GGNBP2: variants seen among roughly 807,000 people sequenced by gnomAD.
GGNBP2 encodes gametogenetin binding protein 2, also known as gametogenetin-binding protein 2.
GGNBP2 carries 10 observed loss-of-function variants against 85.9 expected under a neutral mutation model. The ratio of observed to expected loss-of-function variants is 0.12; its 90% CI spans 0.07 to 0.20. The LOEUF (loss-of-function observed/expected upper bound fraction) is 0.20, where lower values mean the gene tolerates loss of function less well. GGNBP2 is among the 10% of genes least tolerant of loss of function. The pLI is 1.00. For missense variants in GGNBP2, 595 were observed against 857.8 expected (o/e 0.69, Z 3.83); for synonymous variants, 287 against 285.7 (o/e 1.00, Z -0.05).
At chr17:36,556,551 A>G (rs1398560449) in intron 3 of GGNBP2, among the ~76,000 whole-genome samples, 2 of 152,018 alleles carry the variant, frequency 1.3e-5, no homozygotes, top group Non-Finnish European at 2.9e-5. Flanking sequence ...TAAAAATACT[A>G]AAATTAGCCG....
Position 36,589,417 on chromosome 17 carries a change from T to A in GGNBP2, c.*6T>A. The A allele has an allele frequency of 1.9e-6, 3 of 1,601,116 alleles. No individual in the cohort carries two copies. Among genetic ancestry groups the A allele is most frequent in the Non-Finnish European group, 2.6e-6 (3 of 1,169,280 alleles). ...CAACGGCTGGAGCAAATTAAATAAA[T>A]AAAATAGCTCTGTCTTTCAATGAAA... On this transcript the variant is annotated 3_prime_UTR_variant, in exon 14 of 14. Coordinates refer to ENST00000613102, the MANE Select transcript of GGNBP2 (RefSeq NM_024835.5).
At chr17:36,558,414 CAAAAAA>C (rs755597241) in intron 4 of GGNBP2, among the ~76,000 whole-genome samples, 6 of 18,966 alleles carry the variant, frequency 3.2e-4, no homozygotes, top group South Asian at 4.8e-3. Flanking sequence ...AGCTCCATCT[CAAAAAA>C]AAAAAAAAAA....
intron 9 of GGNBP2, among the ~76,000 whole-genome samples, chr17:36,584,022 C>G (rs1236768090): frequency 1.3e-5 from 2 of 152,166 alleles, no homozygotes; most frequent in Non-Finnish European, 2.9e-5. Context: ...TCAGAAAAGT[C>G]CAAGTATTAG....
At chr17:36,585,741 T>C (rs2074694545) in intron 10 of GGNBP2, 99 bp from the exon 11 acceptor site, 2 of 1,021,956 alleles carry the variant, frequency 2.0e-6, no homozygotes, top group Middle Eastern at 2.2e-4. Context: ...TAATAAGCCA[T>C]TAATTATGAG....
intron 2 of GGNBP2, chr17:36,546,661 C>T (rs1336841119): frequency 6.6e-6 from 1 of 152,190 alleles, no homozygotes; most frequent in Non-Finnish European, 1.5e-5. Flanking sequence ...AGTGCAGTTG[C>T]TTGCCACTTA....
At chr17:36,588,313 G>A (rs1383639228) in intron 13 of GGNBP2, among the ~76,000 whole-genome samples, 1 of 152,036 alleles carries the variant, frequency 6.6e-6, no homozygotes, top group Non-Finnish European at 1.5e-5. Context: ...GCTGGAGTGC[G>A]ATGGTGCGAT....
intron 6 of GGNBP2, chr17:36,574,633 A>G (rs1599535148): frequency 1.7e-6 from 1 of 578,192 alleles, no homozygotes. Flanking sequence ...TGTCCTTGGT[A>G]TAGTTACCCA....
chr17:36,549,567 G>A (rs9906189), intron 2 of GGNBP2, among the ~76,000 whole-genome samples: 85,928 of 152,048 alleles, frequency 0.57, 24,670 homozygotes, highest in African/African-American at 0.64. Flanking sequence ...CCTTAGTCAT[G>A]CTTCTCAGGG....
Position 36,581,394 on chromosome 17 carries a change from G to A in GGNBP2, c.1071G>A (p.Glu357=). The A allele has an allele frequency of 6.2e-7, 1 of 1,613,580 alleles. No homozygotes were observed. The highest frequency in any genetic ancestry group is 8.5e-7 in the Non-Finnish European group (1 of 1,179,714). Residue 357 remains glutamate (E), a synonymous_variant, in exon 9 of 14, where the codon GAG becomes GAA. Transcript: ENST00000613102. The part of the protein sequence containing the change: ...QGISRLEQLC[E]EFSEEERVRE... ...TTAGCAGATTGGAACAACTTTGTGA[G>A]GAATTTTCAGAAGAGGAACGAGTAA... is the stretch of plus-strand genomic sequence containing the variant.
chr17:36,587,406 C>A, intron 13 of GGNBP2, 161 bp downstream of exon 13: 1 of 780,634 alleles, frequency 1.3e-6, no homozygotes, highest in Non-Finnish European at 2.1e-6. Context: ...TCTGTCCTTC[C>A]ACTCGTGGTT....
chr17:36,584,952 CAAAAAAA>C (rs34371498), intron 9 of GGNBP2, among the ~76,000 whole-genome samples: 1 of 122,128 alleles, frequency 8.2e-6, no homozygotes. Context: ...AGACCGTACT[CAAAAAAA>C]AAAAAAAAGG....
Position 36,589,525 on chromosome 17 carries a change from T to G in GGNBP2, c.*114T>G. 1 of 734,300 alleles carries G rather than the reference T, an allele frequency of 1.4e-6. No homozygotes were observed. Among genetic ancestry groups the G allele is most frequent in the Non-Finnish European group, 2.3e-6 (1 of 438,886 alleles). The allele number at this position is 734,300 out of a possible 1,614,324, so 45.5% of individuals were successfully genotyped here. A position where few individuals can be genotyped will look rare whatever the true frequency, so the allele number is the denominator to read the frequency against. On this transcript the variant is annotated 3_prime_UTR_variant, in exon 14 of 14. Transcript: ENST00000613102. ...GGCAAAATTTTATCTTAAATCAATGTGATTCTTTCTTGTTTTGGGAGACGG... is the reference window on the plus strand; with the variant it reads ...GGCAAAATTTTATCTTAAATCAATGGGATTCTTTCTTGTTTTGGGAGACGG...
chr17:36,567,907 G>A (rs1010764765), intron 6 of GGNBP2, 131 bp downstream of exon 6: 12 of 500,980 alleles, frequency 2.4e-5, no homozygotes, highest in Non-Finnish European at 4.3e-5. Flanking sequence ...ACTAGGCGGA[G>A]CTTAATATTA....
intron 9 of GGNBP2, among the ~76,000 whole-genome samples, chr17:36,584,741 G>T (rs1159880898): frequency 2.6e-5 from 4 of 152,198 alleles, no homozygotes; most frequent in African/African-American, 9.7e-5. Context: ...TTAAGGCCAG[G>T]AGTTCAAGAG....
intron 6 of GGNBP2, chr17:36,574,993 G>A (rs2074562065): frequency 6.5e-7 from 1 of 1,530,164 alleles, no homozygotes; most frequent in Admixed American, 1.9e-5. Context: ...GGCCGGCACG[G>A]GTCTGCTTCT....
chr17:36,587,583 T>A, intron 13 of GGNBP2: 2 of 236,926 alleles, frequency 8.4e-6, no homozygotes, highest in Non-Finnish European at 8.5e-6. Flanking sequence ...CTTTGTAAAG[T>A]TAAAAAAAAA....
intron 9 of GGNBP2, among the ~76,000 whole-genome samples, chr17:36,583,345 C>T (rs1471223135): frequency 6.6e-6 from 1 of 152,124 alleles, no homozygotes; most frequent in African/African-American, 2.4e-5. Context: ...AGCCACCGCG[C>T]CTGACGGAAT....
chr17:36,559,928 A>G (rs763838288), intron 4 of GGNBP2, among the ~76,000 whole-genome samples: 6 of 152,148 alleles, frequency 3.9e-5, no homozygotes, highest in Non-Finnish European at 1.5e-5. Flanking sequence ...TCCGCCTCCC[A>G]GATTCAAGTG....
intron 12 of GGNBP2, 62 bp from the exon 13 acceptor site, chr17:36,586,935 T>TA: frequency 8.2e-7 from 1 of 1,215,636 alleles, no homozygotes; most frequent in South Asian, 1.6e-5. Context: ...TTTTTTTTTT[T>TA]AAAGAATAAT....
Sources: gnomAD v4.1 joint callset for allele counts (sites outside exome capture counted in the v4.1 genomes callset) on GRCh38, gnomAD v4.1.1 for gene constraint, MANE v1.5 for transcripts, NCBI Gene and HGNC (gene_info 2026-07-23, HGNC 2026-07-21) for gene names.